The following ULK4 variants were observed in gnomAD, a reference collection of about 807,000 sequenced individuals.
The protein encoded by ULK4 is inactive serine/threonine-protein kinase ULK4.
In ULK4, 133 loss-of-function variants were observed where a neutral mutation model predicts 160.6. The observed-to-expected ratio is 0.83, with a 90% CI of 0.72 to 0.96. The LOEUF is 0.96. ULK4 is among the 40% of genes least tolerant of loss of function. ULK4 has a pLI of 0.00. For missense variants in ULK4, 1,580 were observed against 1,499.5 expected (o/e 1.05, Z -0.89); for synonymous variants, 534 against 539.8 (o/e 0.99, Z 0.15).
intron 35 of ULK4, among the ~76,000 whole-genome samples, chr3:41,272,401 T>A (rs1347103775): frequency 2.8e-5 from 4 of 143,480 alleles, no homozygotes; most frequent in Non-Finnish European, 6.0e-5. Flanking sequence ...GACAGTTTCT[T>A]CCCCCCTCAC....
intron 27 of ULK4, 58 bp from the exon 28 acceptor site, chr3:41,681,862 C>A: frequency 1.9e-6 from 3 of 1,579,698 alleles, no homozygotes; most frequent in Non-Finnish European, 2.6e-6. Flanking sequence ...TGATATCAAC[C>A]ACTATCTATA....
At chr3:41,531,076 A>G (rs1330519604) in intron 32 of ULK4, among the ~76,000 whole-genome samples, 1 of 150,572 alleles carries the variant, frequency 6.6e-6, no homozygotes, top group Non-Finnish European at 1.5e-5. Flanking sequence ...ATGAATGTTA[A>G]TATCAAGGAA....
chr3:41,668,566 T>A (rs534535761), intron 29 of ULK4, among the ~76,000 whole-genome samples: 6 of 152,308 alleles, frequency 3.9e-5, no homozygotes, highest in Non-Finnish European at 5.9e-5. Flanking sequence ...CCTAGGTTTG[T>A]ATAAGGTAAA....
At chr3:41,523,295 T>C (rs1172485504) in intron 32 of ULK4, among the ~76,000 whole-genome samples, 2 of 152,056 alleles carry the variant, frequency 1.3e-5, no homozygotes, top group African/African-American at 4.8e-5. Flanking sequence ...TAAAGATACA[T>C]GGAGAGAAGG....
intron 17 of ULK4, among the ~76,000 whole-genome samples, chr3:41,864,335 G>C (rs1159477928): frequency 1.3e-5 from 2 of 150,870 alleles, no homozygotes; most frequent in Non-Finnish European, 3.0e-5. Context: ...AGTGGTGTTG[G>C]CAATTCAGAA....
intron 21 of ULK4, among the ~76,000 whole-genome samples, chr3:41,764,635 G>A (rs1000324576): frequency 2.6e-5 from 4 of 152,200 alleles, no homozygotes; most frequent in Admixed American, 6.5e-5. Flanking sequence ...TTTTTATTGA[G>A]TGATAATAGT....
At chr3:41,748,067 A>G (rs1052093553) in intron 22 of ULK4, among the ~76,000 whole-genome samples, 58 of 152,032 alleles carry the variant, frequency 3.8e-4, no homozygotes, top group African/African-American at 1.4e-3. Flanking sequence ...ATAATTGTAC[A>G]TTTTATTTTA....
rs533578363 is a variant in ULK4 at position 41,809,176 on chromosome 3, C to CAA, written c.1849-8885_1849-8884dup. On this transcript the variant is annotated intron_variant, in intron 19 of 36. Transcript: ENST00000301831. ...GCAAGACTCCGTCTCAAAAAAAAAA[C>CAA]AAAAAAAAAAACAAAAAAAAACAAA... is the stretch of plus-strand genomic sequence containing the variant. 6.6e-4 allele frequency among the ~76,000 whole-genome samples: 50 copies of CAA among 75,552 alleles called. 1 individual carries two copies. The highest frequency in any genetic ancestry group is 1.4e-3 in the African/African-American group (40 of 27,894). The allele number at this position is 75,552 out of a possible 152,430, so 49.6% of individuals were successfully genotyped here.
At chr3:41,417,415 G>C (rs1263891650) in intron 34 of ULK4, among the ~76,000 whole-genome samples, 1 of 152,152 alleles carries the variant, frequency 6.6e-6, no homozygotes, top group East Asian at 1.9e-4. Context: ...AGGAAAATGT[G>C]ACACAGGTAG....
chr3:41,678,809 G>A (rs188727166), intron 29 of ULK4, among the ~76,000 whole-genome samples: 2 of 152,240 alleles, frequency 1.3e-5, no homozygotes, highest in Admixed American at 1.3e-4. Flanking sequence ...AAAATAAAAA[G>A]TATCAACACC....
chr3:41,911,558 C>A lies in ULK4; in HGVS notation c.998G>T (p.Gly333Val). The A allele has an allele frequency of 6.2e-7, 1 of 1,613,630 alleles. No individual in the cohort carries two copies. The highest frequency in any genetic ancestry group is 1.1e-5 in the South Asian group (1 of 91,062). Reference protein sequence around the residue: ...AKGHKSGQPLGHSFRLENPTE... With the variant: ...AKGHKSGQPLVHSFRLENPTE... Reference sequence around the variant, plus strand: ...AAACTTACCTAGTCTGAAAGAGTGACCTAGTGGTTGACCACTCTTGTGCCC... The same window carrying A: ...AAACTTACCTAGTCTGAAAGAGTGAACTAGTGGTTGACCACTCTTGTGCCC... The change falls in exon 10 of 37, where the codon GGT becomes GTT. Residue 333 changes from glycine (G) to valine (V), a missense_variant. Physicochemically the swap from Gly to Val is moderately radical, Grantham distance 109 (BLOSUM62 -3). Transcript: ENST00000301831.
At chr3:41,439,069 G>A (rs1240671678) in intron 34 of ULK4, among the ~76,000 whole-genome samples, 1 of 152,096 alleles carries the variant, frequency 6.6e-6, no homozygotes, top group Non-Finnish European at 1.5e-5. Context: ...CAGCCAGAGA[G>A]TGTGAAATGG....
At chr3:41,668,953 C>T (rs914497724) in intron 29 of ULK4, among the ~76,000 whole-genome samples, 1 of 152,076 alleles carries the variant, frequency 6.6e-6, no homozygotes, top group Admixed American at 6.5e-5. Context: ...GAAAAGATAA[C>T]TTGCAGAATG....
intron 35 of ULK4, among the ~76,000 whole-genome samples, chr3:41,338,207 A>T (rs1263680247): frequency 6.6e-6 from 1 of 152,228 alleles, no homozygotes; most frequent in Non-Finnish European, 1.5e-5. Context: ...ACATAAGAGT[A>T]CCTGGCAGCT....
intron 32 of ULK4, among the ~76,000 whole-genome samples, chr3:41,561,372 G>C (rs1359272822): frequency 1.3e-5 from 2 of 152,176 alleles, no homozygotes; most frequent in Admixed American, 1.3e-4. Context: ...GATGATGCTA[G>C]CATCATACAA....
intron 22 of ULK4, among the ~76,000 whole-genome samples, chr3:41,733,215 C>G (rs2125867901): frequency 6.6e-6 from 1 of 152,032 alleles, no homozygotes; most frequent in Admixed American, 6.6e-5. Flanking sequence ...CACAGTGTAC[C>G]CCATAAATAT....
At chr3:41,858,994 A>G (rs571764794) in intron 17 of ULK4, among the ~76,000 whole-genome samples, 13 of 152,216 alleles carry the variant, frequency 8.5e-5, no homozygotes, top group Admixed American at 5.2e-4. Flanking sequence ...TAAACACTTC[A>G]TTGGTTCCCA....
chr3:41,452,478 G>A (rs2083444323), intron 34 of ULK4, among the ~76,000 whole-genome samples: 1 of 152,124 alleles, frequency 6.6e-6, no homozygotes, highest in African/African-American at 2.4e-5. Context: ...TGTAATCAGG[G>A]CAGCTCTTAC....
intron 34 of ULK4, among the ~76,000 whole-genome samples, chr3:41,449,423 T>C (rs2083376541): frequency 6.6e-6 from 1 of 152,162 alleles, no homozygotes; most frequent in African/African-American, 2.4e-5. Context: ...AGAAGGCAGA[T>C]GGGCGGTGGC....
Sources: gnomAD v4.1 joint callset for allele counts (sites outside exome capture counted in the v4.1 genomes callset) on GRCh38, gnomAD v4.1.1 for gene constraint, MANE v1.5 for transcripts, NCBI Gene and HGNC (gene_info 2026-07-23, HGNC 2026-07-21) for gene names.